Variants in KDM4C observed in about 807,000 individuals in gnomAD.
KDM4C encodes lysine-specific demethylase 4C.
Under a neutral mutation model 129.3 loss-of-function variants are expected in KDM4C, and 81 were observed. That is an observed-to-expected ratio of 0.63 (90% CI 0.52 to 0.75). The LOEUF (loss-of-function observed/expected upper bound fraction) is 0.75. KDM4C is among the 30% of genes least tolerant of loss of function. The probability of loss-of-function intolerance (pLI) is 0.00; values close to 1 mark genes in which losing one functional copy is unlikely to be tolerated. For missense variants in KDM4C, 1,457 were observed against 1,304.0 expected, an observed-to-expected ratio of 1.12 and a Z score of -1.81; for synonymous variants, 573 against 456.1, an observed-to-expected ratio of 1.26 and a Z score of -3.26.
intron 15 of KDM4C, among the ~76,000 whole-genome samples, chr9:7,043,596 G>T (rs928907822): frequency 7.9e-5 from 12 of 152,008 alleles, no homozygotes; most frequent in Non-Finnish European, 1.8e-4. Flanking sequence ...GCATCTTTAT[G>T]TTTTTACCAG....
intron 19 of KDM4C, among the ~76,000 whole-genome samples, chr9:7,159,870 G>C (rs1035434403): frequency 2.0e-5 from 3 of 152,264 alleles, no homozygotes; most frequent in Non-Finnish European, 2.9e-5. Context: ...GAATTTGAAT[G>C]TTGGACTCGC....
intron 5 of KDM4C, among the ~76,000 whole-genome samples, chr9:6,858,545 G>A (rs975778149): frequency 6.6e-6 from 1 of 152,158 alleles, no homozygotes; most frequent in Non-Finnish European, 1.5e-5. Flanking sequence ...AGGCCTAGGT[G>A]GGCGGATCAT....
intron 17 of KDM4C, among the ~76,000 whole-genome samples, chr9:7,072,547 T>C (rs1179847831): frequency 6.6e-6 from 1 of 152,178 alleles, no homozygotes; most frequent in African/African-American, 2.4e-5. Context: ...TTGAATTCAA[T>C]TTATGTCACA....
At chr9:6,898,307 G>A (rs754477950) in intron 8 of KDM4C, among the ~76,000 whole-genome samples, 2 of 152,136 alleles carry the variant, frequency 1.3e-5, no homozygotes, top group Non-Finnish European at 2.9e-5. Flanking sequence ...ATTTTCTTGA[G>A]TAAAAAAGAA....
chr9:6,936,280 C>T (rs1475063483), intron 8 of KDM4C, among the ~76,000 whole-genome samples: 2 of 152,160 alleles, frequency 1.3e-5, no homozygotes, highest in South Asian at 4.1e-4. Flanking sequence ...TAGAAAGATA[C>T]TACCCCATGC....
chr9:6,917,421 A>G (rs572682086), intron 8 of KDM4C, among the ~76,000 whole-genome samples: 1 of 152,082 alleles, frequency 6.6e-6, no homozygotes, highest in Admixed American at 6.6e-5. Flanking sequence ...ACTGGTTTCT[A>G]TTGCATGATC....
At chr9:7,072,112 C>T (rs1319482860) in intron 17 of KDM4C, among the ~76,000 whole-genome samples, 1 of 152,132 alleles carries the variant, frequency 6.6e-6, no homozygotes, top group Non-Finnish European at 1.5e-5. Flanking sequence ...TATGTCACTA[C>T]ATATCAATGG....
rs1366700815 is a variant in KDM4C, at chr9:6,748,797, T to C, written c.49+27800T>C. 2.2e-6 allele frequency: 3 copies of C among 1,350,984 alleles called. No individual in the cohort carries two copies. In the East Asian group the frequency reaches 6.9e-5, roughly 31 times the overall value. 83.7% of individuals were successfully genotyped at this position (1,350,984 alleles called of 1,614,324 possible). ...TGACTTTGTTTTCGAATGAATCTCT[T>C]CTGCATCATCTAATACAAGGTTCAT... On this transcript the variant is annotated intron_variant, in intron 1 of 17. Transcript: ENST00000536108.
At chr9:6,985,011 C>A (rs1048768323) in intron 10 of KDM4C, among the ~76,000 whole-genome samples, 1 of 152,028 alleles carries the variant, frequency 6.6e-6, no homozygotes, top group Non-Finnish European at 1.5e-5. Flanking sequence ...AAGCTAATTC[C>A]TGTGTTCCTC....
chr9:7,086,106 C>T (rs961233095), intron 17 of KDM4C, among the ~76,000 whole-genome samples: 4 of 152,076 alleles, frequency 2.6e-5, no homozygotes, highest in Admixed American at 6.5e-5. Context: ...TGCAGTGAGC[C>T]GAGATCATGC....
At chr9:6,807,343 A>G (rs1830192519) in intron 3 of KDM4C, among the ~76,000 whole-genome samples, 2 of 141,748 alleles carry the variant, frequency 1.4e-5, no homozygotes, top group Middle Eastern at 3.5e-3. Context: ...CTGGCCGCCC[A>G]TCGTCTGGGA....
At chr9:7,143,810 C>G (rs1219204570) in intron 19 of KDM4C, among the ~76,000 whole-genome samples, 3 of 152,188 alleles carry the variant, frequency 2.0e-5, no homozygotes, top group South Asian at 4.1e-4. Flanking sequence ...AGCTATCTGT[C>G]TGTCATTTTT....
chr9:6,817,424 C>A (rs1285688106), intron 4 of KDM4C, among the ~76,000 whole-genome samples: 1 of 152,048 alleles, frequency 6.6e-6, no homozygotes, highest in Non-Finnish European at 1.5e-5. Flanking sequence ...ACGCTGGTCT[C>A]AAACTCCTGG....
chr9:7,172,016 G>GT (rs1845014820), intron 21 of KDM4C, among the ~76,000 whole-genome samples: 1 of 152,106 alleles, frequency 6.6e-6, no homozygotes, highest in Non-Finnish European at 1.5e-5. Flanking sequence ...TAGCCAGCCT[G>GT]TTTCTCCCCT....
intron 5 of KDM4C, among the ~76,000 whole-genome samples, chr9:6,877,668 T>A (rs1056833762): frequency 6.6e-6 from 1 of 152,242 alleles, no homozygotes; most frequent in Non-Finnish European, 1.5e-5. Context: ...CATGGAGGCA[T>A]ATTGCTTCTT....
intron 4 of KDM4C, chr9:6,834,574 C>G (rs1266681137): frequency 1.4e-6 from 1 of 722,150 alleles, no homozygotes; most frequent in Non-Finnish European, 2.6e-6. Flanking sequence ...ACCCCAAGCA[C>G]CAGGGCATGA....
chr9:6,849,426 A>G, intron 4 of KDM4C, 81 bp from the exon 5 acceptor site: 2 of 1,199,312 alleles, frequency 1.7e-6, no homozygotes, highest in Admixed American at 2.5e-5. Flanking sequence ...ATTTTGGTGG[A>G]TAGTGGTTTG....
chr9:7,071,325 A>G (rs995504554), intron 17 of KDM4C, among the ~76,000 whole-genome samples: 4 of 152,202 alleles, frequency 2.6e-5, no homozygotes, highest in African/African-American at 9.6e-5. Flanking sequence ...TTATGTGGAA[A>G]GGGAAAGCCA....
At chr9:6,740,381 T>A (rs1285806095) in intron 1 of KDM4C, among the ~76,000 whole-genome samples, 1 of 151,914 alleles carries the variant, frequency 6.6e-6, no homozygotes, top group Non-Finnish European at 1.5e-5. Context: ...TTTTTTGTAT[T>A]TTTAGTAGAG....
Sources: allele counts gnomAD v4.1 joint callset (sites outside exome capture counted in the v4.1 genomes callset), GRCh38; gene constraint gnomAD v4.1.1; transcripts MANE v1.5; gene names NCBI Gene and HGNC (gene_info 2026-07-23, HGNC 2026-07-21).